FMO3: variants seen among roughly 807,000 people sequenced by gnomAD.
FMO3 encodes the protein flavin-containing monooxygenase 3.
Under a neutral mutation model 39.4 loss-of-function variants are expected in FMO3, and 40 were observed. The ratio of observed to expected loss-of-function variants is 1.02; its 90% CI spans 0.79 to 1.32. The LOEUF (loss-of-function observed/expected upper bound fraction) is 1.32. Among genes scored for constraint, FMO3 ranks in the 40% most tolerant of loss-of-function variants. The probability of loss-of-function intolerance (pLI) is 0.00; values close to 1 mark genes in which losing one functional copy is unlikely to be tolerated. For missense variants in FMO3, 680 were observed against 651.8 expected (o/e 1.04, Z -0.47); for synonymous variants, 219 against 228.8 (o/e 0.96, Z 0.39).
intron 3 of FMO3, among the ~76,000 whole-genome samples, chr1:171,104,296 T>C (rs1655542536): frequency 6.6e-6 from 1 of 152,130 alleles, no homozygotes; most frequent in South Asian, 2.1e-4. Flanking sequence ...AGAAGAAATT[T>C]CAATGGGAAT....
At chr1:171,111,092 G>C in intron 6 of FMO3, 95 bp downstream of exon 6, 1 of 962,210 alleles carries the variant, frequency 1.0e-6, no homozygotes, top group Non-Finnish European at 1.7e-6. Flanking sequence ...CAAAGTATTA[G>C]CAATCACAAC....
Position 171,114,144 on chromosome 1 carries a change from T to G in FMO3, c.965T>G (p.Ile322Ser), listed in dbSNP as rs1029968505. 6.2e-7 allele frequency: 1 copy of G among 1,614,072 alleles called. No individual in the cohort carries two copies. Among genetic ancestry groups the G allele is most frequent in the Non-Finnish European group, 8.5e-7 (1 of 1,179,970 alleles). Residue 322 changes from isoleucine (I) to serine (S), a missense_variant, in exon 7 of 9, where the codon ATT becomes AGT. Ile to Ser is a moderately radical substitution (Grantham distance 142, BLOSUM62 -2). Coordinates refer to ENST00000367755, the MANE Select transcript of FMO3 (RefSeq NM_001002294.3). ...IFEDGTIFEGIDCVIFATGYS... is the reference protein window; with the variant it reads ...IFEDGTIFEGSDCVIFATGYS... Reference sequence around the variant, plus strand: ...GAGGATGGGACCATATTTGAGGGCATTGACTGTGTAATCTTTGCAACAGGG... The same window carrying G: ...GAGGATGGGACCATATTTGAGGGCAGTGACTGTGTAATCTTTGCAACAGGG...
chr1:171,095,240 G>T (rs1305318764), intron 2 of FMO3, among the ~76,000 whole-genome samples: 3 of 152,122 alleles, frequency 2.0e-5, no homozygotes, highest in Admixed American at 1.3e-4. Flanking sequence ...TAAAGTTTCA[G>T]GTGCTGACTT....
intron 6 of FMO3, 134 bp from the exon 7 acceptor site, chr1:171,113,873 A>T: frequency 1.7e-6 from 1 of 590,422 alleles, no homozygotes; most frequent in South Asian, 2.4e-5. Flanking sequence ...TTCTTCAGCC[A>T]TATTGGAGAT....
chr1:171,106,585 T>C (rs908459226), intron 3 of FMO3, among the ~76,000 whole-genome samples: 2 of 152,196 alleles, frequency 1.3e-5, no homozygotes, highest in African/African-American at 2.4e-5. Context: ...AGCACTTACT[T>C]CTTTTCAATA....
chr1:171,111,043 T>C (rs771605131), intron 6 of FMO3, 46 bp downstream of exon 6: 1 of 1,481,120 alleles, frequency 6.8e-7, no homozygotes, highest in Admixed American at 1.7e-5. Context: ...TTTAGTTCAG[T>C]GTCAACAACC....
intron 4 of FMO3, 92 bp downstream of exon 4, chr1:171,107,929 A>C: frequency 7.0e-7 from 1 of 1,435,114 alleles, no homozygotes; most frequent in Non-Finnish European, 9.8e-7. Context: ...AAGCAGGTTA[A>C]ATTAAAATAT....
At chr1:171,110,229 A>G (rs1319339055) in intron 5 of FMO3, among the ~76,000 whole-genome samples, 2 of 152,184 alleles carry the variant, frequency 1.3e-5, no homozygotes, top group Admixed American at 6.5e-5. Context: ...CTTTCCAGAT[A>G]GTAGCAGGCA....
chr1:171,103,511 AAAC>A (rs1416572237), intron 2 of FMO3, among the ~76,000 whole-genome samples: 1 of 152,202 alleles, frequency 6.6e-6, no homozygotes, highest in Non-Finnish European at 1.5e-5. Flanking sequence ...CAAAATCAAA[AAAC>A]AATACACTAC....
Position 171,090,946 on chromosome 1 carries a change from A to T in FMO3, c.-42A>T, listed in dbSNP as rs959646180. The T allele has an allele frequency of 6.6e-6, 1 of 152,370 alleles. No individual in the cohort carries two copies. The highest frequency in any genetic ancestry group is 2.4e-5 in the African/African-American group (1 of 41,464). The allele number at this position is 152,370 out of a possible 1,614,324, so 9.4% of individuals were successfully genotyped here. The stretch of plus-strand genomic sequence containing the variant: ...TGGACAGGACGTAGACACACAGAAG[A>T]AAAGAAGACAAAGAACGGGTAGGAA... On this transcript the variant is annotated 5_prime_UTR_variant, in exon 1 of 9. Transcript: ENST00000367755.
At chr1:171,098,344 G>A (rs1571206714) in intron 2 of FMO3, among the ~76,000 whole-genome samples, 1 of 152,182 alleles carries the variant, frequency 6.6e-6, no homozygotes, top group South Asian at 2.1e-4. Context: ...TTGGTAGCTT[G>A]ATGGGGATGG....
chr1:171,092,582 T>G (rs1399737309), intron 1 of FMO3, 71 bp from the exon 2 acceptor site: 1 of 1,567,564 alleles, frequency 6.4e-7, no homozygotes, highest in African/African-American at 1.4e-5. Flanking sequence ...GAAATCAAAA[T>G]AAATAGATAA....
intron 2 of FMO3, among the ~76,000 whole-genome samples, chr1:171,096,378 A>ATATATGTTATATATAATTACATATATAT (rs1557934027): frequency 5.3e-4 from 26 of 49,404 alleles, no homozygotes; most frequent in African/African-American, 7.9e-4. Context: ...TATTATAATT[A>ATATATGTTATATATAATTACATATATAT]TATATATGTT....
At chr1:171,106,838 C>CA (rs1032882200) in intron 3 of FMO3, among the ~76,000 whole-genome samples, 3 of 151,424 alleles carry the variant, frequency 2.0e-5, no homozygotes, top group Admixed American at 6.6e-5. Flanking sequence ...GAAACCTATC[C>CA]AAAAAAAAGT....
intron 2 of FMO3, among the ~76,000 whole-genome samples, chr1:171,096,650 ATTTTATATTTAAAAT>A (rs1557934514): frequency 0.15 from 15,653 of 105,008 alleles, 1,685 homozygotes; most frequent in Non-Finnish European, 0.2. Flanking sequence ...TACATAATAT[ATTTTATATTTAAAAT>A]ATATATTTTA....
chr1:171,096,332 AATATATAAAT>A (rs1288557839), intron 2 of FMO3, among the ~76,000 whole-genome samples: 5 of 94,896 alleles, frequency 5.3e-5, no homozygotes, highest in African/African-American at 9.0e-5. Flanking sequence ...TAATATATAA[AATATATAAAT>A]ATATATAAAT....
chr1:171,110,778 T>A lies in FMO3; in HGVS notation c.628-20T>A. On this transcript the variant is annotated intron_variant, in intron 5 of 8. Coordinates refer to ENST00000367755, the MANE Select transcript of FMO3 (RefSeq NM_001002294.3). ...CTACAAATGGTCACTAATTTCATGGTTGAATTGGTGTTTTTTAAGGTCATG... is the reference window on the plus strand; with the variant it reads ...CTACAAATGGTCACTAATTTCATGGATGAATTGGTGTTTTTTAAGGTCATG... 1 of 1,611,748 alleles carries A rather than the reference T, an allele frequency of 6.2e-7. No individual in the cohort carries two copies. Among genetic ancestry groups the A allele is most frequent in the Non-Finnish European group, 8.5e-7 (1 of 1,177,934 alleles).
intron 2 of FMO3, among the ~76,000 whole-genome samples, chr1:171,094,947 A>G (rs1654883565): frequency 1.3e-5 from 2 of 152,142 alleles, no homozygotes; most frequent in South Asian, 4.1e-4. Flanking sequence ...ATGAATTTTT[A>G]GAATTGTTCT....
chr1:171,108,765 C>A (rs1187949979), intron 5 of FMO3, among the ~76,000 whole-genome samples: 2 of 151,936 alleles, frequency 1.3e-5, no homozygotes, highest in Non-Finnish European at 2.9e-5. Flanking sequence ...CAGTGGTGAA[C>A]ATAACAGGCA....
Sources: allele counts gnomAD v4.1 joint callset (sites outside exome capture counted in the v4.1 genomes callset), GRCh38; gene constraint gnomAD v4.1.1; transcripts MANE v1.5; gene names NCBI Gene and HGNC (gene_info 2026-07-23, HGNC 2026-07-21).